The following CLK4 variants were observed in gnomAD, a reference collection of about 807,000 sequenced individuals.
CLK4 encodes dual specificity protein kinase CLK4.
CLK4 carries 37 observed loss-of-function variants against 64.4 expected under a neutral mutation model. The observed-to-expected ratio is 0.57, with a 90% confidence interval of 0.44 to 0.76. CLK4 has a LOEUF of 0.76. Among genes scored for constraint, CLK4 ranks in the 30% least tolerant of loss-of-function variants. The pLI, the probability that CLK4 is intolerant of heterozygous loss-of-function variation, is 0.00. For synonymous variants in CLK4, 175 were observed against 191.6 expected, an observed-to-expected ratio of 0.91 and a Z score of 0.72; for missense variants, 457 against 605.1, an observed-to-expected ratio of 0.76 and a Z score of 2.57.
chr5:178,607,413 T>C (rs1472503840), intron 10 of CLK4, among the ~76,000 whole-genome samples: 4 of 151,982 alleles, frequency 2.6e-5, no homozygotes, highest in African/African-American at 9.7e-5. Flanking sequence ...TGCACTCCAG[T>C]TTTCTAACTC....
intron 2 of CLK4, among the ~76,000 whole-genome samples, chr5:178,621,377 A>G (rs1325738948): frequency 2.0e-5 from 3 of 152,218 alleles, no homozygotes; most frequent in Non-Finnish European, 4.4e-5. Flanking sequence ...TTTCTAATGC[A>G]GAATGGATTA....
rs1764414520 is a variant in CLK4 at position 178,603,379 on chromosome 5, A to G, written c.*238T>C. ...ATCACTGGACACAAAGGATATTTCAAAGGTATTTAAAAATGGTAATTTCAA... is the reference window on the plus strand; with the variant it reads ...ATCACTGGACACAAAGGATATTTCAGAGGTATTTAAAAATGGTAATTTCAA... On this transcript the variant is annotated 3_prime_UTR_variant, in exon 13 of 13. Coordinates refer to ENST00000316308, the MANE Select transcript of CLK4 (RefSeq NM_020666.3). 2 of 273,280 alleles carry G rather than the reference A, an allele frequency of 7.3e-6. No individual in the cohort carries two copies. The highest frequency in any genetic ancestry group is 1.3e-4 in the East Asian group (2 of 15,472). The allele number at this position is 273,280 out of a possible 1,614,324, so 16.9% of individuals were successfully genotyped here.
intron 5 of CLK4, 123 bp from the exon 6 acceptor site, chr5:178,613,966 A>C: frequency 1.6e-6 from 1 of 641,512 alleles, no homozygotes; most frequent in East Asian, 2.7e-5. Flanking sequence ...CTTTCAGAAC[A>C]TATTATAGCA....
chr5:178,621,591 T>C (rs1764707049), intron 2 of CLK4, among the ~76,000 whole-genome samples: 1 of 152,124 alleles, frequency 6.6e-6, no homozygotes, highest in South Asian at 2.1e-4. Context: ...AGCGGACAAA[T>C]TCGTTAGAAA....
At chr5:178,623,076 T>C (rs182984747) in intron 2 of CLK4, 180 bp downstream of exon 2, 5 of 593,824 alleles carry the variant, frequency 8.4e-6, no homozygotes, top group East Asian at 3.0e-5. Flanking sequence ...GGATAAGAAC[T>C]TTGTTTTATT....
Position 178,603,526 on chromosome 5 carries a change from G to A in CLK4, c.*91C>T. 2 of 916,968 alleles carry A rather than the reference G, an allele frequency of 2.2e-6. No homozygotes were observed. Among genetic ancestry groups the A allele is most frequent in the Non-Finnish European group, 3.1e-6 (2 of 647,320 alleles). 56.8% of individuals were successfully genotyped at this position (916,968 alleles called of 1,614,324 possible). ...ACTTAACTGTACAAAATAATTTAAT[G>A]TTTACAAAAATATTAGAATGTTTAG... is the stretch of plus-strand genomic sequence containing the variant. On this transcript the variant is annotated 3_prime_UTR_variant, in exon 13 of 13. Coordinates refer to ENST00000316308, the MANE Select transcript of CLK4 (RefSeq NM_020666.3).
chr5:178,606,634 T>C (rs1202795782), intron 10 of CLK4, among the ~76,000 whole-genome samples: 1 of 152,138 alleles, frequency 6.6e-6, no homozygotes, highest in African/African-American at 2.4e-5. Context: ...CTATTTAAAG[T>C]TCTTCAATGG....
chr5:178,616,386 C>T (rs1764627140), intron 5 of CLK4, among the ~76,000 whole-genome samples: 1 of 152,230 alleles, frequency 6.6e-6, no homozygotes, highest in Non-Finnish European at 1.5e-5. Flanking sequence ...GAGTGAGCCA[C>T]TGTGCCCGGC....
In CLK4 at chr5:178,623,592, G is replaced by A. The variant is rs139819615; in HGVS notation, c.1-176C>T. On this transcript the variant is annotated intron_variant, in intron 1 of 12. Transcript: ENST00000316308. ...CTGGTATGTCAGATGACTGCTAAGAGGCATAGAGATCTAGTATTAAATTGT... is the reference window on the plus strand; with the variant it reads ...CTGGTATGTCAGATGACTGCTAAGAAGCATAGAGATCTAGTATTAAATTGT... Among the ~76,000 whole-genome samples the A allele has an allele frequency of 7.3e-4, 111 of 151,840 alleles. 2 individuals are homozygous for A. In the East Asian group the frequency reaches 0.021, roughly 29 times the overall value.
At chr5:178,603,792 A>C (rs1478773045) in intron 12 of CLK4, 35 bp from the exon 13 acceptor site, 1 of 1,579,860 alleles carries the variant, frequency 6.3e-7, no homozygotes, top group Non-Finnish European at 8.6e-7. Flanking sequence ...AAAAAAAATT[A>C]TTAATAGTGC....
rs570888469 is a variant in CLK4 at position 178,608,702 on chromosome 5, G to C, written c.1052-244C>G. On this transcript the variant is annotated intron_variant, in intron 9 of 12. Transcript: ENST00000316308. ...TGCATGTTATGTAAAATAAAAGGGG[G>C]CTACCATTTTCCAAGTATACAACCA... Among the ~76,000 whole-genome samples the C allele has an allele frequency of 1.8e-4, 28 of 152,274 alleles. No homozygotes were observed. The South Asian group carries it at 5.8e-3, about 32-fold the overall frequency.
Position 178,617,196 on chromosome 5 carries a change from G to A in CLK4, c.475+148C>T. The A allele has an allele frequency of 1.5e-6, 1 of 674,262 alleles. No individual in the cohort carries two copies. Among genetic ancestry groups the A allele is most frequent in the South Asian group, 2.0e-5 (1 of 50,178 alleles). 41.8% of individuals were successfully genotyped at this position (674,262 alleles called of 1,614,324 possible). A position where few individuals can be genotyped will look rare whatever the true frequency, so the allele number is the denominator to read the frequency against. On this transcript the variant is annotated intron_variant, in intron 4 of 12. Coordinates refer to ENST00000316308, the MANE Select transcript of CLK4 (RefSeq NM_020666.3). This position sits in a 1 kb window ranked among gnomAD's most constrained non-coding sequence, Gnocchi z 5.2. ...AGAATAGAAATATTTAAATTCTACA[G>A]AAAAGAAGAAATATAAAAGAACAAA...
At chr5:178,619,807 A>G (rs936368792) in intron 2 of CLK4, 5 of 1,289,498 alleles carry the variant, frequency 3.9e-6, no homozygotes, top group Non-Finnish European at 4.0e-6. Context: ...ACATAGATTC[A>G]ATTGGCCCAG....
At chr5:178,626,238 G>C (rs1764777788) in intron 1 of CLK4, among the ~76,000 whole-genome samples, 1 of 152,226 alleles carries the variant, frequency 6.6e-6, no homozygotes, top group Admixed American at 6.5e-5. Flanking sequence ...GGCGAGTTCA[G>C]TTTGCGGGGC....
At chr5:178,621,888 T>G (rs1764711291) in intron 2 of CLK4, 3 of 152,194 alleles carry the variant, frequency 2.0e-5, no homozygotes, top group Admixed American at 2.0e-4. Flanking sequence ...GATTACCATC[T>G]TTATACTTTT....
intron 2 of CLK4, chr5:178,619,635 C>T (rs754536629): frequency 2.0e-5 from 7 of 343,060 alleles, no homozygotes; most frequent in Non-Finnish European, 2.7e-5. Flanking sequence ...CTAGTGCCAT[C>T]GTGCTTTAAT....
chr5:178,606,861 G>A (rs1268207638), intron 10 of CLK4, among the ~76,000 whole-genome samples: 1 of 151,794 alleles, frequency 6.6e-6, no homozygotes, highest in Non-Finnish European at 1.5e-5. Flanking sequence ...TTGGGAGGCT[G>A]AGACATGAGA....
chr5:178,622,557 C>CT, intron 2 of CLK4: 1 of 273,074 alleles, frequency 3.7e-6, no homozygotes, highest in South Asian at 1.4e-4. Flanking sequence ...TCATTTAGAA[C>CT]TTTAAGATTC....
In CLK4 at chr5:178,618,663, T is replaced by C. The variant is rs1248098118; in HGVS notation, c.277A>G (p.Ile93Val). 1.9e-6 allele frequency: 3 copies of C among 1,614,092 alleles called. No homozygotes were observed. The highest frequency in any genetic ancestry group is 1.7e-5 in the Admixed American group (1 of 60,008). The change falls in exon 3 of 13, where the codon ATT (isoleucine) becomes GTT (valine). Residue 93 changes from isoleucine (I) to valine (V), a missense_variant. By Grantham distance (29) the Ile-to-Val change is conservative (BLOSUM62 3). Coordinates refer to ENST00000316308, the MANE Select transcript of CLK4 (RefSeq NM_020666.3). ...CAGTGGATTCGATACCCGCTTTCAA[T>C]GTCTCTGTGATAATGTCTAGGAACA... ...GYVPRHYHRD[I>V]ESGYRIHCSK...
Sources: gnomAD v4.1 joint callset for allele counts (sites outside exome capture counted in the v4.1 genomes callset) on GRCh38, gnomAD v4.1.1 for gene constraint, Gnocchi (gnomAD v3.1) non-coding constraint, MANE v1.5 for transcripts, NCBI Gene and HGNC (gene_info 2026-07-23, HGNC 2026-07-21) for gene names.